The following MYCN variants were observed in gnomAD, a reference collection of about 807,000 sequenced individuals.
The protein encoded by MYCN is MYCN proto-oncogene, bHLH transcription factor.
Under a neutral mutation model 28.1 loss-of-function variants are expected in MYCN, and 3 were observed. The observed-to-expected ratio is 0.11, with a 90% CI of 0.05 to 0.28. MYCN has a LOEUF of 0.28. MYCN is among the 10% of genes least tolerant of loss of function. The pLI is 1.00. For missense variants in MYCN, 572 were observed against 651.4 expected, an observed-to-expected ratio of 0.88 and a Z score of 1.33; for synonymous variants, 326 against 288.3, an observed-to-expected ratio of 1.13 and a Z score of -1.32.
At position 15,946,754 on chromosome 2, in the gene MYCN, T is replaced by G. The variant is rs1032731340; in HGVS notation, c.*657T>G. 2 of 227,256 alleles carry G rather than the reference T, an allele frequency of 8.8e-6. No individual in the cohort carries two copies. Among genetic ancestry groups the G allele is most frequent in the African/African-American group, 4.4e-5 (2 of 44,948 alleles). The allele number at this position is 227,256 out of a possible 1,614,324, so 14.1% of individuals were successfully genotyped here. On this transcript the variant is annotated 3_prime_UTR_variant, in exon 3 of 3. Coordinates refer to ENST00000281043, the MANE Select transcript of MYCN (RefSeq NM_005378.6). ...TATATTTTCGTATGAAAATGAGTTG[T>G]GAAAGTTTTGAGTAGATATTACTTT...
At position 15,942,094 on chromosome 2, in the gene MYCN, G is replaced by C. The variant is rs201009439; in HGVS notation, c.30G>C (p.Pro10=). 1 of 1,613,858 alleles carries C rather than the reference G, an allele frequency of 6.2e-7. No homozygotes were observed. Residue 10 remains proline (P), a synonymous_variant, in exon 2 of 3, where the codon CCG becomes CCC. Transcript: ENST00000281043. This position sits in a 1 kb window ranked among gnomAD's most constrained non-coding sequence, Gnocchi z 7.0. MPSCSTSTM[P]GMICKNPDLE... is the part of the protein sequence containing the mutation. ...CGAGCTGCTCCACGTCCACCATGCC[G>C]GGCATGATCTGCAAGAACCCAGACC...
chr2:15,946,460 A>G lies in MYCN; in HGVS notation c.*363A>G. 2 of 416,886 alleles carry G rather than the reference A, an allele frequency of 4.8e-6. No homozygotes were observed. Among genetic ancestry groups the G allele is most frequent in the Non-Finnish European group, 8.9e-6 (2 of 223,478 alleles). 25.8% of individuals were successfully genotyped at this position (416,886 alleles called of 1,614,324 possible). A position where few individuals can be genotyped will look rare whatever the true frequency, so the allele number is the denominator to read the frequency against. ...GCTTAAGTTCCAGCAGATGCCACAT[A>G]AGGGGTTTGCCATTTGATACCCCTG... On this transcript the variant is annotated 3_prime_UTR_variant, in exon 3 of 3. Coordinates refer to ENST00000281043, the MANE Select transcript of MYCN (RefSeq NM_005378.6).
In MYCN at chr2:15,942,928, C is replaced by A; in HGVS notation, c.790+74C>A. 1.3e-6 allele frequency: 2 copies of A among 1,501,980 alleles called. No homozygotes were observed. The highest frequency in any genetic ancestry group is 1.2e-5 in the South Asian group (1 of 82,194). The allele number at this position is 1,501,980 out of a possible 1,614,324, so 93.0% of individuals were successfully genotyped here. A position where few individuals can be genotyped will look rare whatever the true frequency, so the allele number is the denominator to read the frequency against. ...GGGTCGCGTCCCCTTTGTTAGTGCT[C>A]GTATGTCTTGGCCTGGGGAGCATTT... On this transcript the variant is annotated intron_variant, in intron 2 of 2. Transcript: ENST00000281043. This position sits in a 1 kb window ranked among gnomAD's most constrained non-coding sequence, Gnocchi z 7.0.
rs2103332579 is a variant in MYCN at position 15,946,200 on chromosome 2, G to A, written c.*103G>A. 1.9e-6 allele frequency: 3 copies of A among 1,558,134 alleles called. No homozygotes were observed. The highest frequency in any genetic ancestry group is 1.1e-5 in the South Asian group (1 of 87,608). ...AAGAATGTTGGTTTACTTTCAAATC[G>A]GTCCCCTGTCGAGTTCGGCTCTGGG... On this transcript the variant is annotated 3_prime_UTR_variant, in exon 3 of 3. Coordinates refer to ENST00000281043, the MANE Select transcript of MYCN (RefSeq NM_005378.6).
chr2:15,945,758 C>G lies in MYCN; in HGVS notation c.1056C>G (p.Ser352Arg), dbSNP rs749608913. The G allele has an allele frequency of 1.2e-6, 2 of 1,614,100 alleles. No homozygotes were observed. Among genetic ancestry groups the G allele is most frequent in the Non-Finnish European group, 1.7e-6 (2 of 1,180,022 alleles). ...EDAPPQKKIK[S>R]EASPRPLKSV... ...CACCCCCACAGAAGAAGATAAAGAGCGAGGCGTCCCCACGTCCGCTCAAGA... is the reference window on the plus strand; with the variant it reads ...CACCCCCACAGAAGAAGATAAAGAGGGAGGCGTCCCCACGTCCGCTCAAGA... Residue 352 changes from serine (S) to arginine (R), a missense_variant, in exon 3 of 3, where the codon AGC becomes AGG. Ser to Arg is a moderately radical substitution (Grantham distance 110, BLOSUM62 -1). Coordinates refer to ENST00000281043, the MANE Select transcript of MYCN (RefSeq NM_005378.6). The surrounding 1 kb of genome is among the most constrained non-coding windows in gnomAD (Gnocchi z 4.8).
At position 15,942,340 on chromosome 2, in the gene MYCN, C is replaced by A. The variant is rs1467594149; in HGVS notation, c.276C>A (p.Ala92=). The A allele has an allele frequency of 6.2e-7, 1 of 1,607,186 alleles. No individual in the cohort carries two copies. The highest frequency in any genetic ancestry group is 8.5e-7 in the Non-Finnish European group (1 of 1,177,706). Residue 92 remains alanine (A), a synonymous_variant, in exon 2 of 3, where the codon GCC becomes GCA. Transcript: ENST00000281043. The surrounding 1 kb of genome is among the most constrained non-coding windows in gnomAD (Gnocchi z 7.0). ...AGAACGAGCTGTGGGGCAGCCCGGC[C>A]GAGGAGGACGCGTTCGGCCTGGGGG... ...LLENELWGSP[A]EEDAFGLGGL...
Position 15,942,676 on chromosome 2 carries a change from C to G in MYCN, c.612C>G (p.Pro204=). The change falls in exon 2 of 3, where the codon CCC becomes CCG. Residue 204 remains proline, a synonymous_variant. Coordinates refer to ENST00000281043, the MANE Select transcript of MYCN (RefSeq NM_005378.6). This position sits in a 1 kb window ranked among gnomAD's most constrained non-coding sequence, Gnocchi z 7.0. ...PFPVNKREPA[P]VPAAPASAPA... ...CCGTGAACAAGCGCGAGCCAGCGCC[C>G]GTGCCCGCAGCCCCGGCCAGTGCCC... The G allele has an allele frequency of 8.5e-7, 1 of 1,176,714 alleles. No individual in the cohort carries two copies. Among genetic ancestry groups the G allele is most frequent in the Non-Finnish European group, 1.1e-6 (1 of 951,096 alleles). The allele number at this position is 1,176,714 out of a possible 1,614,324, so 72.9% of individuals were successfully genotyped here.
Position 15,942,335 on chromosome 2 carries a change from C to T in MYCN, c.271C>T (p.Pro91Ser). 6.2e-7 allele frequency: 1 copy of T among 1,607,354 alleles called. No homozygotes were observed. Among genetic ancestry groups the T allele is most frequent in the Non-Finnish European group, 8.5e-7 (1 of 1,177,756 alleles). Reference protein sequence around the residue: ...MLLENELWGSPAEEDAFGLGG... With the variant: ...MLLENELWGSSAEEDAFGLGG... ...GCTTGAGAACGAGCTGTGGGGCAGC[C>T]CGGCCGAGGAGGACGCGTTCGGCCT... is the stretch of plus-strand genomic sequence containing the variant. Residue 91 changes from proline (P) to serine (S), a missense_variant, in exon 2 of 3, where the codon CCG becomes TCG. Pro to Ser is a moderately conservative substitution (Grantham distance 74). This residue lies in a region of MYCN where 499 missense variants were observed against 524.3 expected (regional missense o/e 0.95). Coordinates refer to ENST00000281043, the MANE Select transcript of MYCN (RefSeq NM_005378.6). The surrounding 1 kb of genome is among the most constrained non-coding windows in gnomAD (Gnocchi z 7.0).
Position 15,942,390 on chromosome 2 carries a change from C to T in MYCN, c.326C>T (p.Pro109Leu). 1 of 1,607,470 alleles carries T rather than the reference C, an allele frequency of 6.2e-7. No individual in the cohort carries two copies. Among genetic ancestry groups the T allele is most frequent in the Non-Finnish European group, 8.5e-7 (1 of 1,178,758 alleles). ...LGGLGGLTPN[P>L]VILQDCMWSG... ...GGACTGGGTGGCCTCACCCCCAACC[C>T]GGTCATCCTCCAGGACTGCATGTGG... The change falls in exon 2 of 3, where the codon CCG becomes CTG. Residue 109 changes from proline to leucine, a missense_variant. By Grantham distance (98) the Pro-to-Leu change is moderately conservative. Around this residue, in one of 3 missense-constraint regions of MYCN, gnomAD observed 499 missense variants for 524.3 expected, o/e 0.95. Coordinates refer to ENST00000281043, the MANE Select transcript of MYCN (RefSeq NM_005378.6). This position sits in a 1 kb window ranked among gnomAD's most constrained non-coding sequence, Gnocchi z 7.0.
In MYCN at chr2:15,945,062, T is replaced by A. The variant is rs529144062; in HGVS notation, c.791-431T>A. ...TTGCCCAGGCTGGAGTGCAGTGGTATGATCTGGGCTCACTGCAACCTCCGC... is the reference window on the plus strand; with the variant it reads ...TTGCCCAGGCTGGAGTGCAGTGGTAAGATCTGGGCTCACTGCAACCTCCGC... On this transcript the variant is annotated intron_variant, in intron 2 of 2. Coordinates refer to ENST00000281043, the MANE Select transcript of MYCN (RefSeq NM_005378.6). This position sits in a 1 kb window ranked among gnomAD's most constrained non-coding sequence, Gnocchi z 4.8. Among the ~76,000 whole-genome samples, 3 of 152,150 alleles carry A rather than the reference T, an allele frequency of 2.0e-5. No homozygotes were observed. In the South Asian group the frequency reaches 6.2e-4, roughly 32 times the overall value.
intron 2 of MYCN, among the ~76,000 whole-genome samples, chr2:15,944,610 G>A (rs1436757256): frequency 6.6e-6 from 1 of 152,180 alleles, no homozygotes; most frequent in Non-Finnish European, 1.5e-5. Context: ...CCTAAAATGA[G>A]AGGCCTCAAC....
chr2:15,940,672 A>G lies in MYCN; in HGVS notation c.-189A>G. ...GCACAGACTGTAGCCATCCGAGGAC[A>G]CCCCCGCCCCCCCGGCCCACCCGGA... On this transcript the variant is annotated 5_prime_UTR_variant, in exon 1 of 3. Transcript: ENST00000281043. 1 of 396,946 alleles carries G rather than the reference A, an allele frequency of 2.5e-6. No individual in the cohort carries two copies. Among genetic ancestry groups the G allele is most frequent in the East Asian group, 3.6e-5 (1 of 27,772 alleles). The allele number at this position is 396,946 out of a possible 1,614,324, so 24.6% of individuals were successfully genotyped here.
Position 15,941,890 on chromosome 2 carries a change from C to A in MYCN, c.-117-58C>A. On this transcript the variant is annotated intron_variant, in intron 1 of 2. Transcript: ENST00000281043. The surrounding 1 kb of genome is among the most constrained non-coding windows in gnomAD (Gnocchi z 4.8). ...ACCTGGTTAGAGGGGGCGCCCATTG[C>A]CTATCCCCTCGGTCTGCCCCGTTTG... The A allele has an allele frequency of 1.4e-6, 1 of 721,832 alleles. No individual in the cohort carries two copies. Among genetic ancestry groups the A allele is most frequent in the South Asian group, 1.8e-5 (1 of 56,040 alleles). The allele number at this position is 721,832 out of a possible 1,614,324, so 44.7% of individuals were successfully genotyped here. A position where few individuals can be genotyped will look rare whatever the true frequency, so the allele number is the denominator to read the frequency against.
In MYCN at chr2:15,946,534, C is replaced by G. The variant is rs1327240552; in HGVS notation, c.*437C>G. 1.1e-5 allele frequency: 4 copies of G among 356,422 alleles called. No individual in the cohort carries two copies. The highest frequency in any genetic ancestry group is 9.0e-5 in the East Asian group (2 of 22,336). The allele number at this position is 356,422 out of a possible 1,614,324, so 22.1% of individuals were successfully genotyped here. ...TGACACATCCGCCTTTTGTATACAT[C>G]CTGGGTAATGAGAGGTGGCTTTTGC... On this transcript the variant is annotated 3_prime_UTR_variant, in exon 3 of 3. Coordinates refer to ENST00000281043, the MANE Select transcript of MYCN (RefSeq NM_005378.6).
intron 2 of MYCN, among the ~76,000 whole-genome samples, chr2:15,943,678 C>A (rs1301008936): frequency 6.6e-6 from 1 of 152,188 alleles, no homozygotes; most frequent in African/African-American, 2.4e-5. Context: ...AGCCTGAATT[C>A]CAGGCCTAAT....
Position 15,945,733 on chromosome 2 carries a change from C to G in MYCN, c.1031C>G (p.Ala344Gly). The change falls in exon 3 of 3, where the codon GCA (alanine) becomes GGA (glycine). Residue 344 changes from alanine (A) to glycine (G), a missense_variant. Coordinates refer to ENST00000281043, the MANE Select transcript of MYCN (RefSeq NM_005378.6). The surrounding 1 kb of genome is among the most constrained non-coding windows in gnomAD (Gnocchi z 4.8). ...APSPYVESED[A>G]PPQKKIKSEA... ...TCTCCCTACGTGGAGAGTGAGGATG[C>G]ACCCCCACAGAAGAAGATAAAGAGC... The G allele has an allele frequency of 1.2e-6, 2 of 1,614,080 alleles. No individual in the cohort carries two copies. The highest frequency in any genetic ancestry group is 1.7e-6 in the Non-Finnish European group (2 of 1,179,978).
At chr2:15,944,764 C>G (rs1293323182) in intron 2 of MYCN, among the ~76,000 whole-genome samples, 2 of 152,032 alleles carry the variant, frequency 1.3e-5, no homozygotes, top group African/African-American at 2.4e-5. Flanking sequence ...GGTATCATCC[C>G]CATTTAATAG....
At position 15,942,385 on chromosome 2, in the gene MYCN, C is replaced by T; in HGVS notation, c.321C>T (p.Pro107=). The T allele has an allele frequency of 2.5e-6, 4 of 1,607,524 alleles. No individual in the cohort carries two copies. Among genetic ancestry groups the T allele is most frequent in the South Asian group, 1.1e-5 (1 of 90,526 alleles). The change falls in exon 2 of 3, where the codon CCC becomes CCT. Residue 107 remains proline (P), a synonymous_variant. Coordinates refer to ENST00000281043, the MANE Select transcript of MYCN (RefSeq NM_005378.6). This position sits in a 1 kb window ranked among gnomAD's most constrained non-coding sequence, Gnocchi z 7.0. ...FGLGGLGGLT[P]NPVILQDCMW... ...TGGGGGGACTGGGTGGCCTCACCCC[C>T]AACCCGGTCATCCTCCAGGACTGCA... is the stretch of plus-strand genomic sequence containing the variant.
intron 2 of MYCN, among the ~76,000 whole-genome samples, chr2:15,944,790 C>T (rs1662815417): frequency 6.6e-6 from 1 of 152,026 alleles, no homozygotes; most frequent in Non-Finnish European, 1.5e-5. Context: ...GAAACAGAGG[C>T]TTAGAAAGGC....
Sources: gnomAD v4.1 joint callset for allele counts (sites outside exome capture counted in the v4.1 genomes callset) on GRCh38, gnomAD v4.1.1 for gene constraint, gnomAD v4.1.1 regional missense constraint, Gnocchi (gnomAD v3.1) non-coding constraint, MANE v1.5 for transcripts, NCBI Gene and HGNC (gene_info 2026-07-23, HGNC 2026-07-21) for gene names.